L3MBTL4: variants seen among roughly 807,000 people sequenced by gnomAD.
L3MBTL4 encodes the protein L3MBTL histone methyl-lysine binding protein 4.
A neutral mutation model predicts 84.5 loss-of-function variants in L3MBTL4; 70 were observed. That is an observed-to-expected ratio of 0.83 (90% CI 0.68 to 1.01). The LOEUF (loss-of-function observed/expected upper bound fraction) is 1.01. L3MBTL4 is among the 50% of genes least tolerant of loss of function. L3MBTL4 has a pLI of 0.00. For missense variants in L3MBTL4, 715 were observed against 754.8 expected (o/e 0.95, Z 0.62); for synonymous variants, 274 against 259.8 (o/e 1.05, Z -0.52).
At chr18:6,202,966 G>T (rs1241303350) in intron 12 of L3MBTL4, among the ~76,000 whole-genome samples, 1 of 152,218 alleles carries the variant, frequency 6.6e-6, no homozygotes, top group East Asian at 1.9e-4. Context: ...ACTTAAGAGA[G>T]AGAACTGAGC....
At chr18:6,210,816 G>A (rs2046073314) in intron 12 of L3MBTL4, among the ~76,000 whole-genome samples, 1 of 152,164 alleles carries the variant, frequency 6.6e-6, no homozygotes, top group African/African-American at 2.4e-5. Context: ...AGGAGTGTAG[G>A]CTTGTTCTTT....
In L3MBTL4 at chr18:6,075,645, A is replaced by G. The variant is rs542513343; in HGVS notation, c.1444+5236T>C. Among the ~76,000 whole-genome samples, 219 of 152,296 alleles carry G rather than the reference A, an allele frequency of 1.4e-3. 1 individual carries two copies. The highest frequency in any genetic ancestry group is 5.0e-3 in the African/African-American group (209 of 41,570). On this transcript the variant is annotated intron_variant, in intron 16 of 18. Coordinates refer to ENST00000317931, the MANE Select transcript of L3MBTL4 (RefSeq NM_001330559.2). ...TATAAATGGCACACTAAAAGCATTA[A>G]TCAAAATAGAACTGATAGACTATAT...
intron 16 of L3MBTL4, 64 bp downstream of exon 16, chr18:6,080,813 TCAAA>T: frequency 1.7e-6 from 2 of 1,171,906 alleles, no homozygotes; most frequent in East Asian, 2.5e-5. Flanking sequence ...AACCAAACAG[TCAAA>T]CAAATAAGAC....
intron 18 of L3MBTL4, among the ~76,000 whole-genome samples, chr18:5,959,261 G>A (rs1355448951): frequency 6.6e-6 from 1 of 152,136 alleles, no homozygotes; most frequent in African/African-American, 2.4e-5. Context: ...GCTGGAATCC[G>A]ACTTTTCTTG....
intron 13 of L3MBTL4, among the ~76,000 whole-genome samples, chr18:6,168,156 A>G (rs2043774566): frequency 6.6e-6 from 1 of 152,194 alleles, no homozygotes; most frequent in Admixed American, 6.5e-5. Context: ...ACTACAAACC[A>G]CTGCTCAATG....
At chr18:6,142,636 A>G (rs1200133415) in intron 13 of L3MBTL4, among the ~76,000 whole-genome samples, 1 of 152,202 alleles carries the variant, frequency 6.6e-6, no homozygotes, top group Non-Finnish European at 1.5e-5. Context: ...AAAACTGTAA[A>G]CAGGATAGGC....
chr18:6,112,944 TA>T (rs1431876878), intron 14 of L3MBTL4, among the ~76,000 whole-genome samples: 4 of 152,072 alleles, frequency 2.6e-5, no homozygotes, highest in Non-Finnish European at 4.4e-5. Context: ...TATAGCTAAT[TA>T]GGGGGAGAAA....
chr18:5,956,334 C>A lies in L3MBTL4; in HGVS notation c.1731G>T (p.Val577=). 6.2e-7 allele frequency: 1 copy of A among 1,614,126 alleles called. No individual in the cohort carries two copies. The highest frequency in any genetic ancestry group is 8.5e-7 in the Non-Finnish European group (1 of 1,180,014). Residue 577 remains valine, a synonymous_variant, in exon 19 of 19, where the codon GTG becomes GTT. Transcript: ENST00000317931. The stretch of plus-strand genomic sequence containing the variant: ...GTGCTGGGCCCAGTTTGATCTTCAT[C>A]ACTTTGACAATGTCCGTCTGTGTCA... ...LLLTQTDIVK[V]MKIKLGPALK... is the part of the protein sequence containing the mutation.
chr18:6,156,558 T>C (rs1166469502), intron 13 of L3MBTL4, among the ~76,000 whole-genome samples: 1 of 152,192 alleles, frequency 6.6e-6, no homozygotes, highest in Admixed American at 6.5e-5. Context: ...ATCATTGTCT[T>C]CTGAAAGGGT....
rs573746546 is a variant in L3MBTL4, at chr18:6,239,973, A to G, written c.553-101T>C. On this transcript the variant is annotated intron_variant, in intron 8 of 18. Transcript: ENST00000317931. ...TCTATGTTTAGCAACAGCAAAGTCT[A>G]CAGGTGTCAGCACTTAGCCTCTGGA... The G allele has an allele frequency of 1.5e-5, 19 of 1,226,262 alleles. No homozygotes were observed. The African/African-American group carries it at 1.6e-4, about 11-fold the overall frequency. 76.0% of individuals were successfully genotyped at this position (1,226,262 alleles called of 1,614,324 possible).
intron 12 of L3MBTL4, among the ~76,000 whole-genome samples, chr18:6,175,908 A>G (rs2044206346): frequency 6.6e-6 from 1 of 152,124 alleles, no homozygotes; most frequent in African/African-American, 2.4e-5. Context: ...ATTAATATAT[A>G]CTGGCAACAA....
At chr18:6,374,789 C>A (rs2054298676) in intron 1 of L3MBTL4, among the ~76,000 whole-genome samples, 1 of 152,252 alleles carries the variant, frequency 6.6e-6, no homozygotes, top group Admixed American at 6.5e-5. Flanking sequence ...TCGCCACCAC[C>A]ATTTCCCTCA....
At chr18:6,132,711 A>C (rs1266723370) in intron 14 of L3MBTL4, among the ~76,000 whole-genome samples, 1 of 152,224 alleles carries the variant, frequency 6.6e-6, no homozygotes, top group Non-Finnish European at 1.5e-5. Flanking sequence ...TAATTAGATA[A>C]TACAAAGAAG....
At chr18:6,368,577 A>G (rs1490916585) in intron 1 of L3MBTL4, among the ~76,000 whole-genome samples, 1 of 152,184 alleles carries the variant, frequency 6.6e-6, no homozygotes, top group African/African-American at 2.4e-5. Flanking sequence ...CATTTTGCAG[A>G]TGAGAAAATG....
chr18:6,324,225 C>A (rs568428119), intron 1 of L3MBTL4, among the ~76,000 whole-genome samples: 1 of 152,212 alleles, frequency 6.6e-6, no homozygotes, highest in African/African-American at 2.4e-5. Flanking sequence ...AAGCCTGCTG[C>A]AGTGGTGGAG....
At chr18:6,162,251 A>G (rs867282129) in intron 13 of L3MBTL4, among the ~76,000 whole-genome samples, 1 of 152,184 alleles carries the variant, frequency 6.6e-6, no homozygotes, top group Non-Finnish European at 1.5e-5. Flanking sequence ...TAAAATATAG[A>G]GTAGATTCCA....
At chr18:6,243,467 C>A in intron 6 of L3MBTL4, 38 bp from the exon 7 acceptor site, 2 of 1,530,070 alleles carry the variant, frequency 1.3e-6, no homozygotes, top group Admixed American at 2.0e-5. Context: ...CGTTAAGTGT[C>A]ATATATTTGG....
At chr18:5,970,343 TGAGACTTCAA>T (rs1346055311) in intron 16 of L3MBTL4, among the ~76,000 whole-genome samples, 1 of 152,162 alleles carries the variant, frequency 6.6e-6, no homozygotes, top group African/African-American at 2.4e-5. Flanking sequence ...AACCAAGGAG[TGAGACTTCAA>T]CGGGATCTCC....
chr18:5,993,271 A>T (rs893123796), intron 16 of L3MBTL4, among the ~76,000 whole-genome samples: 3 of 152,202 alleles, frequency 2.0e-5, no homozygotes, highest in Non-Finnish European at 2.9e-5. Flanking sequence ...CTCTTTCCAA[A>T]GAAATAACCC....
Sources: gnomAD v4.1 joint callset for allele counts (sites outside exome capture counted in the v4.1 genomes callset) on GRCh38, gnomAD v4.1.1 for gene constraint, MANE v1.5 for transcripts, NCBI Gene and HGNC (gene_info 2026-07-23, HGNC 2026-07-21) for gene names.